SYT1: variants seen among roughly 807,000 people sequenced by gnomAD.
The protein encoded by SYT1 is synaptotagmin-1.
SYT1 carries 8 observed loss-of-function variants against 44.8 expected under a neutral mutation model. The ratio of observed to expected loss-of-function variants is 0.18; its 90% CI spans 0.10 to 0.32. SYT1 has a LOEUF of 0.32. Ranked by LOEUF, SYT1 falls within the 10% of genes least tolerant of loss-of-function variation. SYT1 has a pLI of 1.00. For missense variants in SYT1, 286 were observed against 509.3 expected, an observed-to-expected ratio of 0.56 and a Z score of 4.22; for synonymous variants, 154 against 188.8, an observed-to-expected ratio of 0.82 and a Z score of 1.51.
At chr12:78,909,940 A>G (rs1480982964) in intron 1 of SYT1, among the ~76,000 whole-genome samples, 3 of 151,850 alleles carry the variant, frequency 2.0e-5, no homozygotes, top group Non-Finnish European at 4.4e-5. Flanking sequence ...AAGTTATCAG[A>G]TATTACTGAT....
intron 3 of SYT1, among the ~76,000 whole-genome samples, chr12:79,122,982 G>A (rs1868304146): frequency 6.6e-6 from 1 of 152,182 alleles, no homozygotes; most frequent in Admixed American, 6.5e-5. Context: ...ATAATGAGAA[G>A]AGAGCCTAGT....
At chr12:79,361,138 G>T (rs558198876) in intron 9 of SYT1, among the ~76,000 whole-genome samples, 1 of 152,184 alleles carries the variant, frequency 6.6e-6, no homozygotes, top group African/African-American at 2.4e-5. Context: ...GCCAGTCCTT[G>T]AGAATATGAG....
intron 3 of SYT1, among the ~76,000 whole-genome samples, chr12:79,088,004 A>T (rs184500504): frequency 6.6e-6 from 1 of 152,182 alleles, no homozygotes; most frequent in Admixed American, 6.5e-5. Context: ...TAACACAACC[A>T]ATATTTATTG....
At chr12:79,011,479 C>T (rs1242758042) in intron 2 of SYT1, among the ~76,000 whole-genome samples, 2 of 151,718 alleles carry the variant, frequency 1.3e-5, no homozygotes, top group Admixed American at 6.6e-5. Flanking sequence ...AAGAGTTAAT[C>T]CTATCATAAT....
At position 79,035,066 on chromosome 12, in the gene SYT1, T is replaced by A. The variant is rs145892637; in HGVS notation, c.-83-12231T>A. Among the ~76,000 whole-genome samples the A allele has an allele frequency of 1.3e-3, 196 of 151,736 alleles. 2 individuals are homozygous for A. The highest frequency in any genetic ancestry group is 4.5e-3 in the African/African-American group (187 of 41,464). ...GCTTGGCACCTTCCCACCATTGTCA[T>A]CACAGGGTATGGTACTGAACTAAAC... On this transcript the variant is annotated intron_variant, in intron 2 of 10. Transcript: ENST00000261205.
At chr12:79,070,511 GTTGTGGCTATACTTGTA>G (rs778290253) in intron 3 of SYT1, among the ~76,000 whole-genome samples, 1 of 152,008 alleles carries the variant, frequency 6.6e-6, no homozygotes, top group Non-Finnish European at 1.5e-5. Flanking sequence ...GTGAATCCAT[GTTGTGGCTATACTTGTA>G]TTTGAGGTTA....
At chr12:79,029,574 T>C (rs1872720429) in intron 2 of SYT1, among the ~76,000 whole-genome samples, 1 of 151,140 alleles carries the variant, frequency 6.6e-6, no homozygotes, top group Non-Finnish European at 1.5e-5. Context: ...CTTGTGAAAT[T>C]AGTGAAATTA....
intron 9 of SYT1, among the ~76,000 whole-genome samples, chr12:79,362,133 G>C (rs1883341380): frequency 6.6e-6 from 1 of 152,146 alleles, no homozygotes; most frequent in Non-Finnish European, 1.5e-5. Flanking sequence ...AAAGAGGTCT[G>C]TTCTAAGGCA....
intron 3 of SYT1, among the ~76,000 whole-genome samples, chr12:79,179,061 GATATAGATATATAGATATAGATATAGAT>G (rs1872145910): frequency 7.4e-5 from 7 of 94,674 alleles, no homozygotes; most frequent in Non-Finnish European, 1.1e-4. Flanking sequence ...TATAGATATA[GATATAGATATATAGATATAGATATAGAT>G]ATATAGATAT....
At chr12:78,912,425 T>G (rs1187205190) in intron 1 of SYT1, among the ~76,000 whole-genome samples, 1 of 151,918 alleles carries the variant, frequency 6.6e-6, no homozygotes, top group Non-Finnish European at 1.5e-5. Flanking sequence ...TACTTTTGAA[T>G]GCAAGGCTGA....
chr12:79,376,077 A>G (rs1883982907), intron 9 of SYT1, among the ~76,000 whole-genome samples: 2 of 152,184 alleles, frequency 1.3e-5, no homozygotes, highest in Admixed American at 1.3e-4. Flanking sequence ...ATTTTGCCAC[A>G]TGGCTTTTCC....
intron 9 of SYT1, among the ~76,000 whole-genome samples, chr12:79,442,858 C>T (rs1396601427): frequency 6.6e-6 from 1 of 152,062 alleles, no homozygotes; most frequent in Admixed American, 6.6e-5. Context: ...AAAGGCTTCG[C>T]AGTAGTTATT....
At chr12:78,911,864 A>G (rs1876351308) in intron 1 of SYT1, among the ~76,000 whole-genome samples, 1 of 151,978 alleles carries the variant, frequency 6.6e-6, no homozygotes, top group Non-Finnish European at 1.5e-5. Context: ...GGAGTCCTAG[A>G]GGCTCCCCAT....
At chr12:79,398,362 A>G (rs1331695116) in intron 9 of SYT1, among the ~76,000 whole-genome samples, 2 of 152,204 alleles carry the variant, frequency 1.3e-5, no homozygotes, top group African/African-American at 2.4e-5. Context: ...ATATCTTCTG[A>G]ATTATTATGT....
chr12:79,155,835 TTTCCTCTTCACAGAGTAGAAC>T (rs1216207405), intron 3 of SYT1, among the ~76,000 whole-genome samples: 5 of 152,192 alleles, frequency 3.3e-5, no homozygotes, highest in Admixed American at 1.3e-4. Flanking sequence ...CTCTTGTGTA[TTTCCTCTTCACAGAGTAGAAC>T]TTGAATACTT....
intron 1 of SYT1, among the ~76,000 whole-genome samples, chr12:78,931,195 G>GAAAC (rs1565723117): frequency 1.3e-4 from 3 of 22,448 alleles, no homozygotes; most frequent in African/African-American, 9.2e-4. Context: ...AAGAAAGAAA[G>GAAAC]AAAGAAAGAA....
chr12:79,154,822 A>T (rs1312740938), intron 3 of SYT1, among the ~76,000 whole-genome samples: 1 of 152,142 alleles, frequency 6.6e-6, no homozygotes, highest in African/African-American at 2.4e-5. Context: ...AATCAACATG[A>T]CAACTAAGGT....
chr12:79,296,057 C>T lies in SYT1; in HGVS notation c.475-12C>T. Reference sequence around the variant, plus strand: ...GATATTTATGTATGCTGTATTCTGTCATTTATTTCAGCTGCTGGTAGGGAT... The same window carrying T: ...GATATTTATGTATGCTGTATTCTGTTATTTATTTCAGCTGCTGGTAGGGAT... On this transcript the variant is annotated splice_polypyrimidine_tract_variant and intron_variant, in intron 6 of 10. Coordinates refer to ENST00000261205, the MANE Select transcript of SYT1 (RefSeq NM_005639.3). 1 of 1,603,822 alleles carries T rather than the reference C, an allele frequency of 6.2e-7. No homozygotes were observed. Among genetic ancestry groups the T allele is most frequent in the South Asian group, 1.1e-5 (1 of 89,296 alleles).
intron 3 of SYT1, among the ~76,000 whole-genome samples, chr12:79,150,098 TA>T (rs1409595478): frequency 3.3e-5 from 5 of 152,212 alleles, no homozygotes; most frequent in Admixed American, 3.3e-4. Context: ...CAACATGGTA[TA>T]ATTAAATCAA....
Sources: gnomAD v4.1 joint callset for allele counts (sites outside exome capture counted in the v4.1 genomes callset) on GRCh38, gnomAD v4.1.1 for gene constraint, MANE v1.5 for transcripts, NCBI Gene and HGNC (gene_info 2026-07-23, HGNC 2026-07-21) for gene names.